The following SLC44A5 variants were observed in gnomAD, a reference collection of about 807,000 sequenced individuals.
SLC44A5 encodes the protein solute carrier family 44 member 5.
Under a neutral mutation model 101.8 loss-of-function variants are expected in SLC44A5, and 57 were observed. The observed-to-expected ratio is 0.56, with a 90% CI of 0.45 to 0.70. The LOEUF is 0.70. Among genes scored for constraint, SLC44A5 ranks in the 30% least tolerant of loss-of-function variants. The pLI, the probability that SLC44A5 is intolerant of heterozygous loss-of-function variation, is 0.00. For synonymous variants in SLC44A5, 281 were observed against 290.9 expected (o/e 0.97, Z 0.35); for missense variants, 737 against 853.1 (o/e 0.86, Z 1.70).
chr1:75,627,551 C>T, the SLC44A5 span, among the ~76,000 whole-genome samples: 1 of 151,822 alleles, frequency 6.6e-6, no homozygotes, highest in Non-Finnish European at 1.5e-5. Context: ...GGCACGGTGG[C>T]ACACACCTGT....
chr1:75,354,762 C>T (rs1658946599), intron 3 of SLC44A5, among the ~76,000 whole-genome samples: 1 of 152,106 alleles, frequency 6.6e-6, no homozygotes, highest in African/African-American at 2.4e-5. Context: ...GTAAAACCTC[C>T]TAGGTCTTCT....
intron 6 of SLC44A5, among the ~76,000 whole-genome samples, chr1:75,258,625 T>C (rs1650223405): frequency 6.6e-6 from 1 of 152,174 alleles, no homozygotes; most frequent in Non-Finnish European, 1.5e-5. Context: ...AAGTCCCTGC[T>C]GGCAGCTCTG....
intron 5 of SLC44A5, among the ~76,000 whole-genome samples, chr1:75,277,601 A>G (rs961732930): frequency 1.3e-5 from 2 of 151,976 alleles, no homozygotes; most frequent in Non-Finnish European, 1.5e-5. Flanking sequence ...GATCAGCAAA[A>G]TGTTCATAAT....
chr1:75,336,817 G>A (rs1318908751), intron 4 of SLC44A5, among the ~76,000 whole-genome samples: 1 of 152,084 alleles, frequency 6.6e-6, no homozygotes, highest in Non-Finnish European at 1.5e-5. Context: ...CATGCCCCCT[G>A]TAGACATGTT....
At chr1:75,534,299 G>T (rs571917326) in intron 2 of SLC44A5, among the ~76,000 whole-genome samples, 1 of 152,016 alleles carries the variant, frequency 6.6e-6, no homozygotes, top group Admixed American at 6.5e-5. Flanking sequence ...AAATAAAGCC[G>T]GGCTCCATTT....
At chr1:75,330,505 C>T (rs776939168) in intron 4 of SLC44A5, among the ~76,000 whole-genome samples, 7 of 152,174 alleles carry the variant, frequency 4.6e-5, no homozygotes, top group Non-Finnish European at 7.3e-5. Flanking sequence ...GTCCCTGCTT[C>T]CATTGTAGGC....
chr1:75,472,196 A>G (rs1034680751), intron 2 of SLC44A5, among the ~76,000 whole-genome samples: 10 of 152,052 alleles, frequency 6.6e-5, no homozygotes, highest in African/African-American at 2.4e-4. Flanking sequence ...AAAAGGCTTC[A>G]TGGAAAAAAT....
At chr1:75,575,516 C>T (rs1018069872) in intron 1 of SLC44A5, among the ~76,000 whole-genome samples, 1 of 152,028 alleles carries the variant, frequency 6.6e-6, no homozygotes, top group African/African-American at 2.4e-5. Flanking sequence ...GGCTGTCATA[C>T]CAAGATATAA....
chr1:75,405,057 A>G (rs1476643297), intron 2 of SLC44A5, among the ~76,000 whole-genome samples: 1 of 152,234 alleles, frequency 6.6e-6, no homozygotes, highest in Admixed American at 6.5e-5. Context: ...CTACTCTCTG[A>G]TAAAACAGAC....
intron 2 of SLC44A5, among the ~76,000 whole-genome samples, chr1:75,533,111 C>G (rs541755332): frequency 1.3e-5 from 2 of 152,250 alleles, no homozygotes; most frequent in East Asian, 1.9e-4. Flanking sequence ...AGACCCTGCT[C>G]AAGTTCTGCC....
At chr1:75,643,888 G>A in the SLC44A5 span, among the ~76,000 whole-genome samples, 53,981 of 152,100 alleles carry the variant, frequency 0.35, 11,308 homozygotes, top group East Asian at 0.93. Flanking sequence ...AAACAGTAAT[G>A]TGAGTATACA....
chr1:75,582,314 G>T lies in SLC44A5; in HGVS notation c.-70+28726C>A, dbSNP rs1673742695. 7 of 1,496,700 alleles carry T rather than the reference G, an allele frequency of 4.7e-6. No individual in the cohort carries two copies. The Admixed American group carries it at 1.2e-4, about 26-fold the overall frequency. 92.7% of individuals were successfully genotyped at this position (1,496,700 alleles called of 1,614,324 possible). ...GAGTGCACGTGCAAAGGCTATCAAG[G>T]CCCTGGTAAAGCCCAAGGAAGTTAA... On this transcript the variant is annotated intron_variant, in intron 1 of 23. Coordinates refer to ENST00000370859, the MANE Select transcript of SLC44A5 (RefSeq NM_001130058.2).
chr1:75,311,186 G>C (rs149737777), intron 4 of SLC44A5, among the ~76,000 whole-genome samples: 1 of 151,142 alleles, frequency 6.6e-6, no homozygotes, highest in African/African-American at 2.4e-5. Context: ...GCACGATCTC[G>C]GCTCACTGCA....
At chr1:75,442,509 C>T (rs1447315550) in intron 2 of SLC44A5, among the ~76,000 whole-genome samples, 1 of 151,994 alleles carries the variant, frequency 6.6e-6, no homozygotes, top group Non-Finnish European at 1.5e-5. Flanking sequence ...AAGAATTCCC[C>T]TCCCTCAATA....
In SLC44A5 at chr1:75,297,962, A is replaced by C. The variant is rs539108344; in HGVS notation, c.175+2650T>G. On this transcript the variant is annotated intron_variant, in intron 5 of 23. Transcript: ENST00000370859. Reference sequence around the variant, plus strand: ...TTTGTAAAAAAACAAAACAAAACAAAAACAACAACAACAACAACAAAAATG... The same window carrying C: ...TTTGTAAAAAAACAAAACAAAACAACAACAACAACAACAACAACAAAAATG... Among the ~76,000 whole-genome samples, 26 of 152,230 alleles carry C rather than the reference A, an allele frequency of 1.7e-4. No homozygotes were observed. The East Asian group carries it at 3.9e-3, about 23-fold the overall frequency.
intron 2 of SLC44A5, among the ~76,000 whole-genome samples, chr1:75,488,949 A>G (rs1323270978): frequency 6.6e-6 from 1 of 152,176 alleles, no homozygotes; most frequent in Non-Finnish European, 1.5e-5. Context: ...CCCAGGTTCA[A>G]GCAATTCTCC....
intron 4 of SLC44A5, among the ~76,000 whole-genome samples, chr1:75,333,997 G>C (rs1222501761): frequency 3.9e-5 from 6 of 152,102 alleles, no homozygotes; most frequent in African/African-American, 1.4e-4. Flanking sequence ...TTTGACCCTA[G>C]ATCTTTGCAT....
intron 3 of SLC44A5, among the ~76,000 whole-genome samples, chr1:75,387,764 A>T (rs1661477129): frequency 1.1e-5 from 1 of 87,470 alleles, no homozygotes; most frequent in Non-Finnish European, 2.1e-5. Flanking sequence ...ATGCACACGT[A>T]TGTTTATTGC....
chr1:75,297,948 A>G (rs595895), intron 5 of SLC44A5, among the ~76,000 whole-genome samples: 112,253 of 151,692 alleles, frequency 0.74, 41,672 homozygotes, highest in East Asian at 0.91. Context: ...TTGTAAAAAA[A>G]CAAAACAAAA....
Sources: gnomAD v4.1 joint callset for allele counts (sites outside exome capture counted in the v4.1 genomes callset) on GRCh38, gnomAD v4.1.1 for gene constraint, MANE v1.5 for transcripts, NCBI Gene and HGNC (gene_info 2026-07-23, HGNC 2026-07-21) for gene names.